Variants in ATP9B observed in about 807,000 individuals in gnomAD.
ATP9B encodes the protein probable phospholipid-transporting ATPase IIB.
ATP9B carries 110 observed loss-of-function variants against 146.1 expected under a neutral mutation model. The ratio of observed to expected loss-of-function variants is 0.75; its 90% CI spans 0.65 to 0.88. ATP9B has a LOEUF of 0.88. Ranked by LOEUF, ATP9B falls within the 40% of genes least tolerant of loss-of-function variation. The pLI is 0.00. For synonymous variants in ATP9B, 604 were observed against 569.7 expected (o/e 1.06, Z -0.86); for missense variants, 1,499 against 1,496.4 (o/e 1.00, Z -0.03).
intron 6 of ATP9B, among the ~76,000 whole-genome samples, chr18:79,147,570 C>G (rs2094611910): frequency 6.6e-6 from 1 of 152,042 alleles, no homozygotes; most frequent in Non-Finnish European, 1.5e-5. Flanking sequence ...GAACAGCACA[C>G]TTTGAATTAA....
At chr18:79,248,225 TG>T (rs34786846) in intron 11 of ATP9B, among the ~76,000 whole-genome samples, 9,626 of 152,282 alleles carry the variant, frequency 0.063, 410 homozygotes, top group African/African-American at 0.11. Flanking sequence ...AAAAAGACTA[TG>T]TAGCATCACT....
intron 25 of ATP9B, among the ~76,000 whole-genome samples, chr18:79,355,837 G>T (rs2096949169): frequency 6.6e-6 from 1 of 152,220 alleles, no homozygotes; most frequent in African/African-American, 2.4e-5. Context: ...TCAAACTGAT[G>T]AAAACCAGAG....
In ATP9B at chr18:79,207,002, T is replaced by C. The variant is rs1347580578; in HGVS notation, c.1020T>C (p.Ile340=). The part of the protein sequence containing the change: ...SIENTLWAST[I]VASGTVIGVV... ...AAAATACATTGTGGGCAAGCACCAT[T>C]GTTGCATCAGGTAAGGAAAACATTC... Residue 340 remains isoleucine (I), a synonymous_variant, in exon 10 of 30, where the codon ATT becomes ATC. Transcript: ENST00000426216. 1 of 1,613,996 alleles carries C rather than the reference T, an allele frequency of 6.2e-7. No individual in the cohort carries two copies. The highest frequency in any genetic ancestry group is 1.1e-5 in the South Asian group (1 of 91,078).
intron 5 of ATP9B, among the ~76,000 whole-genome samples, chr18:79,127,403 C>T (rs745660219): frequency 3.9e-5 from 6 of 151,912 alleles, no homozygotes; most frequent in Non-Finnish European, 7.4e-5. Context: ...AGCCGCCGTT[C>T]TCCTTTCTGT....
At position 79,152,647 on chromosome 18, in the gene ATP9B, T is replaced by C. The variant is rs572365255; in HGVS notation, c.727-1857T>C. Among the ~76,000 whole-genome samples, 7 of 152,316 alleles carry C rather than the reference T, an allele frequency of 4.6e-5. No homozygotes were observed. In the South Asian group the frequency reaches 1.2e-3, roughly 27 times the overall value. ...ACAATTCAGTGGGGAAAGAACTTTTTTTTTCTCTTTTAGGCATTTTATTGT... is the reference window on the plus strand; with the variant it reads ...ACAATTCAGTGGGGAAAGAACTTTTCTTTTCTCTTTTAGGCATTTTATTGT... On this transcript the variant is annotated intron_variant, in intron 6 of 29. Coordinates refer to ENST00000426216, the MANE Select transcript of ATP9B (RefSeq NM_198531.5).
intron 15 of ATP9B, among the ~76,000 whole-genome samples, chr18:79,326,902 C>T (rs185527516): frequency 1.8e-4 from 27 of 151,386 alleles, no homozygotes; most frequent in South Asian, 2.1e-4. Context: ...CACTGTGTGC[C>T]CTCACACCTC....
chr18:79,247,894 G>A (rs1470918917), intron 11 of ATP9B, among the ~76,000 whole-genome samples: 1 of 152,214 alleles, frequency 6.6e-6, no homozygotes, highest in Non-Finnish European at 1.5e-5. Flanking sequence ...AGGCAAACAT[G>A]TAGGTTATGA....
intron 11 of ATP9B, among the ~76,000 whole-genome samples, chr18:79,231,932 A>G (rs1294441025): frequency 1.3e-5 from 2 of 152,096 alleles, no homozygotes; most frequent in East Asian, 3.9e-4. Flanking sequence ...AGCAAACATC[A>G]TCTGTTCTCA....
At chr18:79,364,784 GA>G (rs1235888257) in intron 26 of ATP9B, among the ~76,000 whole-genome samples, 2 of 152,162 alleles carry the variant, frequency 1.3e-5, no homozygotes, top group African/African-American at 4.8e-5. Context: ...ATCACTTTGG[GA>G]GGCTGAAGCA....
intron 7 of ATP9B, among the ~76,000 whole-genome samples, chr18:79,175,288 T>C (rs981829040): frequency 6.6e-6 from 1 of 151,882 alleles, no homozygotes; most frequent in Admixed American, 6.6e-5. Flanking sequence ...TAAACTGAAT[T>C]ATGTTTTATA....
intron 2 of ATP9B, among the ~76,000 whole-genome samples, chr18:79,108,945 G>A (rs1411662415): frequency 1.3e-5 from 2 of 152,136 alleles, no homozygotes; most frequent in African/African-American, 4.8e-5. Context: ...TTTGTAAAGT[G>A]ATTTCTAAAG....
chr18:79,182,086 G>A (rs557335917), intron 8 of ATP9B, among the ~76,000 whole-genome samples: 38 of 152,222 alleles, frequency 2.5e-4, no homozygotes, highest in Admixed American at 2.4e-3. Context: ...TGTCTTCAAG[G>A]CTTGTCCTTA....
chr18:79,119,195 C>G (rs1188645976), intron 4 of ATP9B, among the ~76,000 whole-genome samples: 1 of 152,082 alleles, frequency 6.6e-6, no homozygotes, highest in Non-Finnish European at 1.5e-5. Flanking sequence ...TTTGCTTCAG[C>G]CTTTTGTACT....
At chr18:79,369,531 TCA>T (rs1491211274) in intron 26 of ATP9B, among the ~76,000 whole-genome samples, 1 of 34,722 alleles carries the variant, frequency 2.9e-5, no homozygotes, top group African/African-American at 1.9e-4. Flanking sequence ...AGAGTCCGTC[TCA>T]AAAAAAAAAA....
Position 79,176,947 on chromosome 18 carries a change from T to C in ATP9B, c.873+40T>C, listed in dbSNP as rs1401507976. The C allele has an allele frequency of 2.6e-6, 4 of 1,541,420 alleles. No homozygotes were observed. The African/African-American group carries it at 5.5e-5, about 21-fold the overall frequency. ...GACTACTCCATCCTTTTATCTTCAA[T>C]GGTAGTTTCTAGGCTTCACGTATAT... On this transcript the variant is annotated intron_variant, in intron 8 of 29. Transcript: ENST00000426216.
At chr18:79,201,864 T>C (rs986107204) in intron 9 of ATP9B, among the ~76,000 whole-genome samples, 2 of 152,176 alleles carry the variant, frequency 1.3e-5, no homozygotes, top group East Asian at 3.9e-4. Context: ...CAGCCCCTGA[T>C]TTCTGATTTA....
At chr18:79,287,044 A>T (rs2096450958) in intron 13 of ATP9B, among the ~76,000 whole-genome samples, 1 of 152,210 alleles carries the variant, frequency 6.6e-6, no homozygotes, top group Non-Finnish European at 1.5e-5. Context: ...GGATGCTTGC[A>T]TCAGTGTTCA....
intron 9 of ATP9B, among the ~76,000 whole-genome samples, chr18:79,200,148 A>G (rs762326298): frequency 3.3e-5 from 5 of 152,224 alleles, no homozygotes; most frequent in African/African-American, 4.8e-5. Flanking sequence ...CCGTCACCAC[A>G]AACACGTGAG....
At chr18:79,077,220 G>A (rs1283492169) in intron 1 of ATP9B, among the ~76,000 whole-genome samples, 2 of 152,158 alleles carry the variant, frequency 1.3e-5, no homozygotes, top group Non-Finnish European at 2.9e-5. Flanking sequence ...ATTATGTTAT[G>A]AGATTTGGGA....
Sources: allele counts gnomAD v4.1 joint callset (sites outside exome capture counted in the v4.1 genomes callset), GRCh38; gene constraint gnomAD v4.1.1; transcripts MANE v1.5; gene names NCBI Gene and HGNC (gene_info 2026-07-23, HGNC 2026-07-21).